Variants in ZNF577 observed in about 807,000 individuals in gnomAD.
The protein encoded by ZNF577 is zinc finger protein 577.
ZNF577 carries 14 observed loss-of-function variants against 13.9 expected under a neutral mutation model. The ratio of observed to expected loss-of-function variants is 1.00; its 90% CI spans 0.66 to 1.57. The LOEUF (loss-of-function observed/expected upper bound fraction) is 1.57. Among genes scored for constraint, ZNF577 ranks in the 40% most tolerant of loss-of-function variants. The pLI is 0.00. For synonymous variants in ZNF577, 203 were observed against 202.9 expected (o/e 1.00, Z 0.00); for missense variants, 555 against 579.2 (o/e 0.96, Z 0.43).
chr19:51,848,983 A>AT (rs937057797), intron 5 of ZNF577, among the ~76,000 whole-genome samples: 1 of 152,136 alleles, frequency 6.6e-6, no homozygotes, highest in Admixed American at 6.5e-5. Context: ...GTTCTAAACC[A>AT]TTTTTTTGTT....
Position 51,867,541 on chromosome 19 carries a change from G to C in ZNF577, c.*4991C>G, listed in dbSNP as rs534847191. ...TGTAATCCCAGCACTTTGGGAGGCT[G>C]AGGTGGGCGGATCACAAGGTCAGGA... On this transcript the variant is annotated 3_prime_UTR_variant, in exon 6 of 6. Transcript: ENST00000638348. 7.3e-5 allele frequency among the ~76,000 whole-genome samples: 11 copies of C among 151,702 alleles called. No individual in the cohort carries two copies. The highest frequency in any genetic ancestry group is 2.7e-4 in the African/African-American group (11 of 41,326).
intron 4 of ZNF577, 162 bp downstream of exon 4, chr19:51,878,227 C>T (rs1411390777): frequency 2.0e-5 from 14 of 695,052 alleles, no homozygotes; most frequent in Admixed American, 3.2e-5. Flanking sequence ...CTGAACTGCA[C>T]GCTTATGGTT....
At chr19:51,826,660 G>A (rs2084233649) in intron 9 of ZNF577, among the ~76,000 whole-genome samples, 1 of 152,228 alleles carries the variant, frequency 6.6e-6, no homozygotes, top group Admixed American at 6.5e-5. Flanking sequence ...GAAAGATGCA[G>A]TATTGCAGTA....
chr19:51,822,989 A>G (rs2084201778), intron 9 of ZNF577, among the ~76,000 whole-genome samples: 1 of 151,988 alleles, frequency 6.6e-6, no homozygotes, highest in African/African-American at 2.4e-5. Flanking sequence ...CAGCCTCCTA[A>G]GTAGCTGGAG....
rs780953746 is a variant in ZNF577 at position 51,854,496 on chromosome 19, ATTTTTTTT to A, written c.284-9573_284-9566del. Among the ~76,000 whole-genome samples the A allele has an allele frequency of 2.5e-3, 305 of 123,228 alleles. 1 individual carries two copies. Among genetic ancestry groups the A allele is most frequent in the African/African-American group, 9.6e-3 (289 of 30,124 alleles). 80.8% of individuals were successfully genotyped at this position (123,228 alleles called of 152,430 possible). A position where few individuals can be genotyped will look rare whatever the true frequency, so the allele number is the denominator to read the frequency against. On this transcript the variant is annotated intron_variant and NMD_transcript_variant, in intron 5 of 10. Transcript: ENST00000638827. ...GGAATGCACCACCATGCCCAGCTAA[ATTTTTTTT>A]TTTTTTTTTTTTAGAGATGGGGTCT...
At chr19:51,838,000 A>C (rs1159309277) in intron 9 of ZNF577, among the ~76,000 whole-genome samples, 2 of 152,284 alleles carry the variant, frequency 1.3e-5, no homozygotes, top group Non-Finnish European at 2.9e-5. Flanking sequence ...ATAAAAACCC[A>C]GCCCAGATGA....
Position 51,873,048 on chromosome 19 carries a change from G to C in ZNF577, c.942C>G (p.Thr314=). ...CTCCCGTATGAATCCTCTGATGTCT[G>C]GTCAGGTCTGACTTAAAATAGAAGG... ...GRTFYFKSDL[T]RHQRIHTGEK... Residue 314 remains threonine (T), a synonymous_variant, in exon 6 of 6, where the codon ACC becomes ACG. Coordinates refer to ENST00000638348, the MANE Select transcript of ZNF577 (RefSeq NM_001370449.1). The C allele has an allele frequency of 6.2e-7, 1 of 1,614,096 alleles. No homozygotes were observed. The highest frequency in any genetic ancestry group is 1.1e-5 in the South Asian group (1 of 91,074).
Position 51,868,947 on chromosome 19 carries a change from G to C in ZNF577, c.*3585C>G, listed in dbSNP as rs904190009. The stretch of plus-strand genomic sequence containing the variant: ...AAATGTGTTTGCAGGCAGTATGCTT[G>C]GTAAAAGTCATCACCATTCTCCAGT... On this transcript the variant is annotated 3_prime_UTR_variant, in exon 6 of 6. Coordinates refer to ENST00000638348, the MANE Select transcript of ZNF577 (RefSeq NM_001370449.1). Among the ~76,000 whole-genome samples, 1 of 152,202 alleles carries C rather than the reference G, an allele frequency of 6.6e-6. No individual in the cohort carries two copies. The highest frequency in any genetic ancestry group is 2.4e-5 in the African/African-American group (1 of 41,448).
intron 9 of ZNF577, among the ~76,000 whole-genome samples, chr19:51,815,142 G>A (rs780657926): frequency 3.9e-5 from 6 of 152,112 alleles, no homozygotes; most frequent in South Asian, 4.1e-4. Context: ...TATTTAGGGC[G>A]AGGTCCCTTG....
chr19:51,852,289 TGA>T (rs756475505), intron 5 of ZNF577, among the ~76,000 whole-genome samples: 1 of 152,190 alleles, frequency 6.6e-6, no homozygotes, highest in African/African-American at 2.4e-5. Flanking sequence ...GGGCTGCCTC[TGA>T]GAGGAAAGAA....
chr19:51,840,060 G>A (rs547785092), exon 9 of ZNF577: 1 of 152,334 alleles, frequency 6.6e-6, no homozygotes, highest in Admixed American at 6.5e-5. Context: ...AGCAGTCTTG[G>A]AAGATGCTTC....
At chr19:51,882,495 A>C (rs2122720562) in intron 1 of ZNF577, among the ~76,000 whole-genome samples, 1 of 150,088 alleles carries the variant, frequency 6.7e-6, no homozygotes, top group East Asian at 1.9e-4. Flanking sequence ...AAAAAAAAAA[A>C]CTAGGGTCTG....
At position 51,857,346 on chromosome 19, in the gene ZNF577, G is replaced by GAA. The variant is rs1384482827; in HGVS notation, c.284-12416_284-12415insTT. The stretch of plus-strand genomic sequence containing the variant: ...GAAAAGGAGAAAGGAGAGAAAGAAA[G>GAA]AGAGAAAGAAAGAAGGAAGGAAAGA... On this transcript the variant is annotated intron_variant and NMD_transcript_variant, in intron 5 of 10. Coordinates refer to the ZNF577 transcript ENST00000638827. Among the ~76,000 whole-genome samples, 10 of 135,152 alleles carry GAA rather than the reference G, an allele frequency of 7.4e-5. 1 individual carries two copies. Among genetic ancestry groups the GAA allele is most frequent in the African/African-American group, 2.5e-4 (9 of 35,638 alleles). The allele number at this position is 135,152 out of a possible 152,430, so 88.7% of individuals were successfully genotyped here. A position where few individuals can be genotyped will look rare whatever the true frequency, so the allele number is the denominator to read the frequency against.
chr19:51,834,952 G>A (rs1243908950), intron 9 of ZNF577, among the ~76,000 whole-genome samples: 3 of 152,132 alleles, frequency 2.0e-5, no homozygotes, highest in Non-Finnish European at 4.4e-5. Flanking sequence ...CCCTTACAGG[G>A]GAATTTTTAC....
rs1252643010 is a variant in ZNF577, at chr19:51,869,577, G to T, written c.*2955C>A. 6.6e-6 allele frequency among the ~76,000 whole-genome samples: 1 copy of T among 151,952 alleles called. No individual in the cohort carries two copies. Among genetic ancestry groups the T allele is most frequent in the Non-Finnish European group, 1.5e-5 (1 of 67,988 alleles). ...CGGGTCCTCCATATGCTGAGCACCG[G>T]TCCCCTGGGGCCACTGTTCTTTCTC... is the stretch of plus-strand genomic sequence containing the variant. On this transcript the variant is annotated 3_prime_UTR_variant, in exon 6 of 6. Coordinates refer to ENST00000638348, the MANE Select transcript of ZNF577 (RefSeq NM_001370449.1).
At chr19:51,817,774 G>C (rs777803918) in intron 9 of ZNF577, 1 of 152,104 alleles carries the variant, frequency 6.6e-6, no homozygotes, top group African/African-American at 2.4e-5. Flanking sequence ...ACAAATCCTT[G>C]GAGCTTGTGT....
At chr19:51,829,243 C>A (rs1455019901) in intron 9 of ZNF577, among the ~76,000 whole-genome samples, 1 of 152,080 alleles carries the variant, frequency 6.6e-6, no homozygotes, top group South Asian at 2.1e-4. Context: ...GAGGAGGGAG[C>A]TGTAAAGAGT....
rs1190471213 is a variant in ZNF577, at chr19:51,867,725, CA to C, written c.*4806del. Among the ~76,000 whole-genome samples the C allele has an allele frequency of 6.6e-6, 1 of 152,050 alleles. No homozygotes were observed. Among genetic ancestry groups the C allele is most frequent in the Admixed American group, 6.6e-5 (1 of 15,256 alleles). ...ACTTGAAACCGGAAGGTGGAGGTTG[CA>C]GTGACCCACGATTACGCCACTGCAC... On this transcript the variant is annotated 3_prime_UTR_variant, in exon 6 of 6. Coordinates refer to ENST00000638348, the MANE Select transcript of ZNF577 (RefSeq NM_001370449.1).
At chr19:51,807,148 CT>C (rs928014698) in intron 10 of ZNF577, among the ~76,000 whole-genome samples, 2 of 152,134 alleles carry the variant, frequency 1.3e-5, no homozygotes, top group Admixed American at 1.3e-4. Flanking sequence ...CAGCTTGCCT[CT>C]AGTGGACAAT....
Sources: allele counts gnomAD v4.1 joint callset (sites outside exome capture counted in the v4.1 genomes callset), GRCh38; gene constraint gnomAD v4.1.1; transcripts MANE v1.5; gene names NCBI Gene and HGNC (gene_info 2026-07-23, HGNC 2026-07-21).